Variants in EFNB2 observed in about 807,000 individuals in gnomAD.
EFNB2 encodes the protein ephrin-B2.
Under a neutral mutation model 32.1 loss-of-function variants are expected in EFNB2, and 5 were observed. The ratio of observed to expected loss-of-function variants is 0.16; its 90% CI spans 0.08 to 0.33. The LOEUF (loss-of-function observed/expected upper bound fraction) is 0.33, where lower values mean the gene tolerates loss of function less well. Among genes scored for constraint, EFNB2 ranks in the 10% least tolerant of loss-of-function variants. The pLI, the probability that EFNB2 is intolerant of heterozygous loss-of-function variation, is 1.00. For synonymous variants in EFNB2, 168 were observed against 166.5 expected (o/e 1.01, Z -0.07); for missense variants, 263 against 422.6 (o/e 0.62, Z 3.31).
At chr13:106,500,301 C>T (rs2043432933) in intron 2 of EFNB2, among the ~76,000 whole-genome samples, 1 of 152,188 alleles carries the variant, frequency 6.6e-6, no homozygotes, top group African/African-American at 2.4e-5. Flanking sequence ...GACAATCAAA[C>T]TTCTGGATTT....
intron 2 of EFNB2, among the ~76,000 whole-genome samples, chr13:106,497,462 TA>T (rs34126138): frequency 1.4e-5 from 2 of 146,948 alleles, no homozygotes; most frequent in African/African-American, 2.5e-5. Context: ...GCAGACAGCT[TA>T]AAAAAAAAAA....
rs143298786 is a variant in EFNB2, at chr13:106,508,908, C to T, written c.406+3621G>A. On this transcript the variant is annotated intron_variant, in intron 2 of 4. Transcript: ENST00000646441. ...TAAAAATTCATATTCACGTCTGAAA[C>T]TCACAAGTGTGATGACTATATTTTA... Among the ~76,000 whole-genome samples, 672 of 152,246 alleles carry T rather than the reference C, an allele frequency of 4.4e-3. 1 individual carries two copies. Among genetic ancestry groups the T allele is most frequent in the African/African-American group, 0.016 (650 of 41,548 alleles).
intron 2 of EFNB2, among the ~76,000 whole-genome samples, chr13:106,510,980 A>G (rs1723809829): frequency 6.6e-6 from 1 of 152,148 alleles, no homozygotes; most frequent in South Asian, 2.1e-4. Flanking sequence ...GCCTGACGAA[A>G]GAGAGAGACT....
chr13:106,534,098 T>C (rs1879973818), intron 1 of EFNB2, among the ~76,000 whole-genome samples: 1 of 152,084 alleles, frequency 6.6e-6, no homozygotes, highest in Non-Finnish European at 1.5e-5. Flanking sequence ...TAAGCTTTTA[T>C]AGGAAGTGCA....
chr13:106,528,161 C>G (rs1159234334), intron 1 of EFNB2, among the ~76,000 whole-genome samples: 1 of 152,166 alleles, frequency 6.6e-6, no homozygotes, highest in Admixed American at 6.5e-5. Context: ...TCTGTTAATA[C>G]AGACTGCTGC....
chr13:106,526,847 T>A (rs1356230618), intron 1 of EFNB2, among the ~76,000 whole-genome samples: 1 of 152,188 alleles, frequency 6.6e-6, no homozygotes, highest in African/African-American at 2.4e-5. Context: ...GCTATAACCC[T>A]AGGCTGGAAG....
rs187600489 is a variant in EFNB2, at chr13:106,512,872, T to C, written c.123-60A>G. On this transcript the variant is annotated intron_variant, in intron 1 of 4. Coordinates refer to ENST00000646441, the MANE Select transcript of EFNB2 (RefSeq NM_004093.4). ...TAAAAATTAACAGTATTAATGACAG[T>C]TACAAGATAGCCAGGCAATGCCCAT... The C allele has an allele frequency of 1.1e-5, 16 of 1,413,510 alleles. No individual in the cohort carries two copies. In the East Asian group the frequency reaches 3.5e-4, roughly 30 times the overall value. The allele number at this position is 1,413,510 out of a possible 1,614,324, so 87.6% of individuals were successfully genotyped here. A position where few individuals can be genotyped will look rare whatever the true frequency, so the allele number is the denominator to read the frequency against.
intron 1 of EFNB2, chr13:106,521,757 A>T (rs1461695806): frequency 6.8e-6 from 1 of 146,344 alleles, no homozygotes; most frequent in Non-Finnish European, 1.5e-5. Flanking sequence ...CTCATAGTTT[A>T]AGCTTTTTTT....
chr13:106,527,742 C>A (rs1472268417), intron 1 of EFNB2, among the ~76,000 whole-genome samples: 3 of 152,222 alleles, frequency 2.0e-5, no homozygotes, highest in African/African-American at 4.8e-5. Context: ...CACTGGTTTG[C>A]TAGATCCTCC....
In EFNB2 at chr13:106,492,933, T is replaced by C; in HGVS notation, c.*107A>G. 7.1e-7 allele frequency: 1 copy of C among 1,415,268 alleles called. No individual in the cohort carries two copies. The highest frequency in any genetic ancestry group is 1.3e-5 in the South Asian group (1 of 75,454). The allele number at this position is 1,415,268 out of a possible 1,614,324, so 87.7% of individuals were successfully genotyped here. A position where few individuals can be genotyped will look rare whatever the true frequency, so the allele number is the denominator to read the frequency against. Reference sequence around the variant, plus strand: ...GAGGAGGAGTGTCCCTCTCCCCCGGTGCTGTGCTTCAGTCAATTCTCCAGC... The same window carrying C: ...GAGGAGGAGTGTCCCTCTCCCCCGGCGCTGTGCTTCAGTCAATTCTCCAGC... On this transcript the variant is annotated 3_prime_UTR_variant, in exon 5 of 5. Coordinates refer to ENST00000646441, the MANE Select transcript of EFNB2 (RefSeq NM_004093.4). The surrounding 1 kb of genome is among the most constrained non-coding windows in gnomAD (Gnocchi z 5.1).
At chr13:106,495,683 G>A (rs1375050308) in intron 3 of EFNB2, 65 bp downstream of exon 3, 2 of 1,504,040 alleles carry the variant, frequency 1.3e-6, no homozygotes, top group Non-Finnish European at 1.8e-6. Flanking sequence ...GGCAACATTA[G>A]CACCATACTA....
chr13:106,498,523 A>G (rs1878667310), intron 2 of EFNB2, among the ~76,000 whole-genome samples: 1 of 152,228 alleles, frequency 6.6e-6, no homozygotes, highest in Non-Finnish European at 1.5e-5. Flanking sequence ...CCACAAATGT[A>G]AAATCTCTAG....
At chr13:106,523,107 CTG>C (rs1879587542) in intron 1 of EFNB2, among the ~76,000 whole-genome samples, 1 of 152,146 alleles carries the variant, frequency 6.6e-6, no homozygotes, top group East Asian at 1.9e-4. Context: ...GCTAGGTCTG[CTG>C]TGGGCGTATG....
chr13:106,511,059 C>T (rs1310400385), intron 2 of EFNB2, among the ~76,000 whole-genome samples: 1 of 151,994 alleles, frequency 6.6e-6, no homozygotes, highest in African/African-American at 2.4e-5. Context: ...CATTGTTAGG[C>T]TTCCAAAAGC....
At chr13:106,527,017 A>G (rs1879723334) in intron 1 of EFNB2, among the ~76,000 whole-genome samples, 1 of 152,188 alleles carries the variant, frequency 6.6e-6, no homozygotes, top group South Asian at 2.1e-4. Flanking sequence ...CACCCCTGCC[A>G]AAAATGCTAA....
chr13:106,499,461 G>T (rs989949886), intron 2 of EFNB2, among the ~76,000 whole-genome samples: 1 of 152,112 alleles, frequency 6.6e-6, no homozygotes, highest in Non-Finnish European at 1.5e-5. Flanking sequence ...TCCATTTCAG[G>T]AGACAATTCT....
chr13:106,494,337 G>A (rs369218809), intron 4 of EFNB2, among the ~76,000 whole-genome samples: 31 of 152,096 alleles, frequency 2.0e-4, no homozygotes, highest in Non-Finnish European at 2.6e-4. Flanking sequence ...GGTCAACGAC[G>A]GACAATTTTA....
intron 1 of EFNB2, among the ~76,000 whole-genome samples, chr13:106,531,380 G>A (rs1387577945): frequency 6.6e-6 from 1 of 152,212 alleles, no homozygotes; most frequent in African/African-American, 2.4e-5. Context: ...GACAAAATGT[G>A]AGGAATGTGG....
At position 106,491,958 on chromosome 13, in the gene EFNB2, C is replaced by A. The variant is rs1878421527; in HGVS notation, c.*1082G>T. On this transcript the variant is annotated 3_prime_UTR_variant, in exon 5 of 5. Transcript: ENST00000646441. ...CATCCAAAGCAGACCGACTCTCCTA[C>A]AGCTCGGAGCTGTGTATCTTATTGC... 6.6e-6 allele frequency: 1 copy of A among 152,630 alleles called. No homozygotes were observed. The highest frequency in any genetic ancestry group is 1.5e-5 in the Non-Finnish European group (1 of 68,050). 9.5% of individuals were successfully genotyped at this position (152,630 alleles called of 1,614,324 possible).
Sources: allele counts gnomAD v4.1 joint callset (sites outside exome capture counted in the v4.1 genomes callset), GRCh38; gene constraint gnomAD v4.1.1; non-coding constraint Gnocchi (gnomAD v3.1); transcripts MANE v1.5; gene names NCBI Gene and HGNC (gene_info 2026-07-23, HGNC 2026-07-21).